MED13L: variants seen among roughly 807,000 people sequenced by gnomAD.
MED13L encodes the protein mediator of RNA polymerase II transcription subunit 13-like.
MED13L carries 7 observed loss-of-function variants against 220.9 expected under a neutral mutation model. That is an observed-to-expected ratio of 0.03 (90% CI 0.02 to 0.06). MED13L has a LOEUF of 0.06. Ranked by LOEUF, MED13L falls within the 10% of genes least tolerant of loss-of-function variation. The probability of loss-of-function intolerance (pLI) is 1.00; values close to 1 mark genes in which losing one functional copy is unlikely to be tolerated. For synonymous variants in MED13L, 1,011 were observed against 1,015.2 expected, an observed-to-expected ratio of 1.00 and a Z score of 0.08; for missense variants, 1,965 against 2,760.5, an observed-to-expected ratio of 0.71 and a Z score of 6.46.
At chr12:115,981,883 G>A (rs149694000) in intron 22 of MED13L, 2 of 158,734 alleles carry the variant, frequency 1.3e-5, no homozygotes, top group East Asian at 3.7e-4. Flanking sequence ...TGGTTATGGT[G>A]GTTGAATGTA....
In MED13L at chr12:116,213,943, A is replaced by G. The variant is rs868457087; in HGVS notation, c.310+23525T>C. Among the ~76,000 whole-genome samples, 7 of 152,336 alleles carry G rather than the reference A, an allele frequency of 4.6e-5. No homozygotes were observed. In the Middle Eastern group the frequency reaches 0.02, roughly 444 times the overall value. Reference sequence around the variant, plus strand: ...TTTAAAGTTCGTACCTAGCAAACACAGTGTTACATCCATCTTGTATAGATT... The same window carrying G: ...TTTAAAGTTCGTACCTAGCAAACACGGTGTTACATCCATCTTGTATAGATT... On this transcript the variant is annotated intron_variant, in intron 2 of 30. Coordinates refer to ENST00000281928, the MANE Select transcript of MED13L (RefSeq NM_015335.5).
intron 2 of MED13L, chr12:116,236,771 A>C (rs1870121802): frequency 2.3e-6 from 2 of 885,534 alleles, no homozygotes; most frequent in African/African-American, 1.8e-5. Flanking sequence ...GTTCCTGCTC[A>C]TAAAACTGTG....
intron 8 of MED13L, 52 bp from the exon 9 acceptor site, chr12:116,012,953 G>T: frequency 7.5e-7 from 1 of 1,328,252 alleles, no homozygotes; most frequent in Non-Finnish European, 1.1e-6. Context: ...CCATACCCCT[G>T]GGGAGAAAAA....
At position 116,186,270 on chromosome 12, in the gene MED13L, G is replaced by A. The variant is rs185140570; in HGVS notation, c.310+51198C>T. ...TGTTTTCTCTATCCTACTTGACTGA[G>A]AACCCTGCAAACCGATCACATCTGC... is the stretch of plus-strand genomic sequence containing the variant. On this transcript the variant is annotated intron_variant, in intron 2 of 30. Coordinates refer to ENST00000281928, the MANE Select transcript of MED13L (RefSeq NM_015335.5). Among the ~76,000 whole-genome samples the A allele has an allele frequency of 9.1e-4, 139 of 152,144 alleles. 1 individual carries two copies. Among genetic ancestry groups the A allele is most frequent in the African/African-American group, 3.2e-3 (134 of 41,502 alleles).
chr12:116,132,279 CAAAAAAAAAAAA>C (rs1005783459), intron 2 of MED13L, among the ~76,000 whole-genome samples: 3 of 77,416 alleles, frequency 3.9e-5, no homozygotes, highest in East Asian at 3.9e-4. Flanking sequence ...TACTTCGTCT[CAAAAAAAAAAAA>C]AAAAAAAAAA....
intron 4 of MED13L, among the ~76,000 whole-genome samples, chr12:116,094,289 T>C (rs1872491254): frequency 6.6e-6 from 1 of 152,240 alleles, no homozygotes; most frequent in South Asian, 2.1e-4. Context: ...TAAGCTTTTC[T>C]GAAATACTGT....
In MED13L at chr12:116,111,547, C is replaced by G. The variant is rs374592966; in HGVS notation, c.311-35G>C. ...AAAAGAAAAAAGAAAAAAAAAGAAC[C>G]AGTAAAAAGGACATCCAAATAAAAA... On this transcript the variant is annotated intron_variant, in intron 2 of 30. Transcript: ENST00000281928. The G allele has an allele frequency of 4.0e-6, 6 of 1,516,118 alleles. No individual in the cohort carries two copies. The African/African-American group carries it at 5.6e-5, about 14-fold the overall frequency. The allele number at this position is 1,516,118 out of a possible 1,614,324, so 93.9% of individuals were successfully genotyped here.
At chr12:116,256,944 G>A (rs1165237730) in intron 1 of MED13L, among the ~76,000 whole-genome samples, 1 of 151,772 alleles carries the variant, frequency 6.6e-6, no homozygotes, top group Admixed American at 6.6e-5. Flanking sequence ...CAAAGTGCTG[G>A]GATTACAGGC....
At position 115,975,556 on chromosome 12, in the gene MED13L, T is replaced by C; in HGVS notation, c.5547A>G (p.Glu1849=). The change falls in exon 24 of 31, where the codon GAA becomes GAG. Residue 1849 remains glutamate (E), a synonymous_variant. Coordinates refer to ENST00000281928, the MANE Select transcript of MED13L (RefSeq NM_015335.5). ...TATTTACAACGCAGGTCTCTAATAA[T>C]TCCCCATGGAGGTCAGTGCAGGAAG... The part of the protein sequence containing the change: ...LLASCTDLHG[E]LLETCVVNIA... 1 of 1,614,134 alleles carries C rather than the reference T, an allele frequency of 6.2e-7. No individual in the cohort carries two copies. The highest frequency in any genetic ancestry group is 1.1e-5 in the South Asian group (1 of 91,080).
chr12:116,080,574 C>T (rs1441418052), intron 4 of MED13L, among the ~76,000 whole-genome samples: 2 of 152,164 alleles, frequency 1.3e-5, no homozygotes, highest in African/African-American at 4.8e-5. Context: ...TGTCAGAGAA[C>T]ATGCAAACTA....
intron 7 of MED13L, among the ~76,000 whole-genome samples, chr12:116,016,294 C>T (rs908447459): frequency 3.9e-5 from 6 of 151,946 alleles, no homozygotes; most frequent in Non-Finnish European, 8.8e-5. Context: ...GTCAGGCTTA[C>T]GTCTATTTAA....
intron 2 of MED13L, among the ~76,000 whole-genome samples, chr12:116,162,049 A>G (rs1384088473): frequency 6.6e-6 from 1 of 152,198 alleles, no homozygotes; most frequent in African/African-American, 2.4e-5. Flanking sequence ...TTCAAGTGTT[A>G]ACAAAGTGGA....
At chr12:116,039,726 G>C (rs1342407391) in intron 4 of MED13L, among the ~76,000 whole-genome samples, 2 of 152,108 alleles carry the variant, frequency 1.3e-5, no homozygotes, top group Non-Finnish European at 2.9e-5. Context: ...TGAGAGAAAA[G>C]CTTGGTTTAT....
intron 2 of MED13L, among the ~76,000 whole-genome samples, chr12:116,137,379 C>G (rs1011990797): frequency 5.9e-5 from 9 of 152,088 alleles, no homozygotes; most frequent in African/African-American, 1.7e-4. Flanking sequence ...CTCCACTTTA[C>G]AGATATAGAA....
intron 4 of MED13L, among the ~76,000 whole-genome samples, chr12:116,084,111 T>C (rs1443799301): frequency 2.0e-5 from 3 of 152,222 alleles, no homozygotes; most frequent in African/African-American, 4.8e-5. Context: ...CAGTGTAATA[T>C]TCCTCAAAGG....
intron 1 of MED13L, among the ~76,000 whole-genome samples, chr12:116,247,713 G>A (rs1871209707): frequency 6.6e-6 from 1 of 152,098 alleles, no homozygotes; most frequent in South Asian, 2.1e-4. Flanking sequence ...ACACACATAT[G>A]CATATGTGCT....
chr12:115,993,944 G>GT (rs1878236427), intron 16 of MED13L, among the ~76,000 whole-genome samples: 2 of 152,168 alleles, frequency 1.3e-5, no homozygotes, highest in Non-Finnish European at 1.5e-5. Context: ...GACAAAGGAG[G>GT]AGTCCAGGGT....
chr12:116,019,775 T>C lies in MED13L; in HGVS notation c.820+3A>G, dbSNP rs1268410145. On this transcript the variant is annotated splice_donor_region_variant and intron_variant, in intron 6 of 30. Transcript: ENST00000281928. ...GTTCTTCAGGCAAAATATTTTCTCT[T>C]ACCAACAATTACTTCAACTGCCACA... 2 of 1,613,296 alleles carry C rather than the reference T, an allele frequency of 1.2e-6. No homozygotes were observed. The highest frequency in any genetic ancestry group is 1.1e-5 in the South Asian group (1 of 91,068).
At chr12:116,266,042 G>C (rs1872807010) in intron 1 of MED13L, among the ~76,000 whole-genome samples, 1 of 152,152 alleles carries the variant, frequency 6.6e-6, no homozygotes, top group African/African-American at 2.4e-5. Flanking sequence ...TATCAGTCTA[G>C]CCCTTTTGTT....
Sources: allele counts gnomAD v4.1 joint callset (sites outside exome capture counted in the v4.1 genomes callset), GRCh38; gene constraint gnomAD v4.1.1; transcripts MANE v1.5; gene names NCBI Gene and HGNC (gene_info 2026-07-23, HGNC 2026-07-21).